M1AP: variants seen among roughly 807,000 people sequenced by gnomAD.
M1AP encodes the protein meiosis 1 arrest protein.
M1AP carries 39 observed loss-of-function variants against 51.2 expected under a neutral mutation model. The ratio of observed to expected loss-of-function variants is 0.76; its 90% confidence interval spans 0.59 to 1.00. M1AP has a LOEUF of 1.00. M1AP is among the 50% of genes least tolerant of loss of function. M1AP has a pLI of 0.00. For missense variants in M1AP, 545 were observed against 641.2 expected (o/e 0.85, Z 1.62); for synonymous variants, 251 against 249.2 (o/e 1.01, Z -0.07).
intron 2 of M1AP, among the ~76,000 whole-genome samples, chr2:74,621,639 A>T (rs1682046714): frequency 1.3e-5 from 2 of 151,262 alleles, no homozygotes; most frequent in East Asian, 2.0e-4. Context: ...ATAATAATAA[A>T]AAAATTAGCC....
intron 7 of M1AP, among the ~76,000 whole-genome samples, chr2:74,572,075 G>C (rs905208401): frequency 6.6e-6 from 1 of 152,066 alleles, no homozygotes; most frequent in Non-Finnish European, 1.5e-5. Flanking sequence ...TAATCTAGAT[G>C]AGGTGGACCA....
chr2:74,608,844 G>C (rs959521396), intron 3 of M1AP, among the ~76,000 whole-genome samples: 1 of 152,184 alleles, frequency 6.6e-6, no homozygotes, highest in African/African-American at 2.4e-5. Context: ...ATATGATGTG[G>C]AGCATCTTTT....
intron 2 of M1AP, among the ~76,000 whole-genome samples, chr2:74,638,585 G>C (rs1435642618): frequency 1.3e-5 from 2 of 152,006 alleles, no homozygotes; most frequent in Admixed American, 6.6e-5. Flanking sequence ...CTCTCTTTTG[G>C]ATCAGTCGTT....
In M1AP at chr2:74,559,697, C is replaced by A. The variant is rs1295799477; in HGVS notation, c.1434+1G>T. 1.8e-5 allele frequency: 13 copies of A among 718,508 alleles called. No individual in the cohort carries two copies. The highest frequency in any genetic ancestry group is 1.3e-4 in the East Asian group (5 of 37,284). 44.5% of individuals were successfully genotyped at this position (718,508 alleles called of 1,614,324 possible). A position where few individuals can be genotyped will look rare whatever the true frequency, so the allele number is the denominator to read the frequency against. On this transcript the variant is annotated splice_donor_variant, in intron 10 of 10. Transcript: ENST00000421985. LOFTEE classifies it high-confidence loss of function. The stretch of plus-strand genomic sequence containing the variant: ...TCATCTGTAAATGAGCAAACACTTA[C>A]CTTGCAGGGATGCTGTGAGGATTAA...
chr2:74,648,287 C>G lies in M1AP; in HGVS notation c.-75G>C. The G allele has an allele frequency of 1.0e-6, 1 of 985,454 alleles. No individual in the cohort carries two copies. Among genetic ancestry groups the G allele is most frequent in the Non-Finnish European group, 1.2e-6 (1 of 829,928 alleles). The allele number at this position is 985,454 out of a possible 1,614,324, so 61.0% of individuals were successfully genotyped here. A position where few individuals can be genotyped will look rare whatever the true frequency, so the allele number is the denominator to read the frequency against. ...TACCTGTCTTCGGAAGACGGAGGCC[C>G]CCTCACCTGGTCCTCCCGGCTCTCA... On this transcript the variant is annotated 5_prime_UTR_variant, in exon 1 of 11. Transcript: ENST00000421985.
rs114861063 is a variant in M1AP at position 74,647,415 on chromosome 2, G to T, written c.-53+850C>A. 755 of 985,152 alleles carry T rather than the reference G, an allele frequency of 7.7e-4. 11 individuals carry two copies. In the African/African-American group the frequency reaches 0.012, roughly 16 times the overall value. The allele number at this position is 985,152 out of a possible 1,614,324, so 61.0% of individuals were successfully genotyped here. A position where few individuals can be genotyped will look rare whatever the true frequency, so the allele number is the denominator to read the frequency against. On this transcript the variant is annotated intron_variant, in intron 1 of 10. Coordinates refer to ENST00000421985, the MANE Select transcript of M1AP (RefSeq NM_001321739.2). ...ATTCAATGGTTCTCCCTCTGGCAGGGCCCTATTAAAGATTTCGTGGGCCCT... is the reference window on the plus strand; with the variant it reads ...ATTCAATGGTTCTCCCTCTGGCAGGTCCCTATTAAAGATTTCGTGGGCCCT...
chr2:74,634,674 A>G (rs913614290), intron 2 of M1AP, among the ~76,000 whole-genome samples: 6 of 152,196 alleles, frequency 3.9e-5, no homozygotes, highest in Non-Finnish European at 8.8e-5. Flanking sequence ...ACCATTAAAT[A>G]TGGCATTAGC....
intron 4 of M1AP, among the ~76,000 whole-genome samples, chr2:74,599,103 C>T (rs183200903): frequency 6.6e-6 from 1 of 151,954 alleles, no homozygotes; most frequent in Non-Finnish European, 1.5e-5. Context: ...CATGGTGAAA[C>T]CCTGTCTCTA....
In M1AP at chr2:74,581,628, C is replaced by T. The variant is rs538472590; in HGVS notation, c.769+46G>A. 39 of 1,576,092 alleles carry T rather than the reference C, an allele frequency of 2.5e-5. No homozygotes were observed. The Admixed American group carries it at 3.1e-4, about 12-fold the overall frequency. ...CACCACCAATCTAGAGTCCTGATCC[C>T]AGATAAGAATAATCATAGCCTAAAT... On this transcript the variant is annotated intron_variant, in intron 5 of 10. Coordinates refer to ENST00000421985, the MANE Select transcript of M1AP (RefSeq NM_001321739.2).
chr2:74,615,271 A>C (rs887756324), intron 2 of M1AP, 122 bp from the exon 3 acceptor site: 1 of 822,182 alleles, frequency 1.2e-6, no homozygotes, highest in Non-Finnish European at 1.9e-6. Context: ...AATTTATTTG[A>C]CCAACATCTA....
intron 1 of M1AP, among the ~76,000 whole-genome samples, chr2:74,641,193 T>C (rs1220226645): frequency 6.6e-6 from 1 of 152,230 alleles, no homozygotes; most frequent in Non-Finnish European, 1.5e-5. Flanking sequence ...TCATTAGAAA[T>C]TGTTCTTCGC....
At chr2:74,636,330 T>G (rs923815938) in intron 2 of M1AP, among the ~76,000 whole-genome samples, 1 of 152,124 alleles carries the variant, frequency 6.6e-6, no homozygotes, top group Non-Finnish European at 1.5e-5. Flanking sequence ...TTCTTTTACT[T>G]TCAGCCTACA....
chr2:74,627,284 A>G (rs1187660949), intron 2 of M1AP, among the ~76,000 whole-genome samples: 1 of 151,934 alleles, frequency 6.6e-6, no homozygotes, highest in Non-Finnish European at 1.5e-5. Flanking sequence ...GTGATGAAAA[A>G]TTTTCTTCCA....
intron 2 of M1AP, among the ~76,000 whole-genome samples, chr2:74,623,988 T>TA (rs1232157009): frequency 6.6e-6 from 1 of 152,122 alleles, no homozygotes; most frequent in Non-Finnish European, 1.5e-5. Flanking sequence ...TACTGTTAAT[T>TA]AAAAAAAATT....
chr2:74,562,073 C>G, intron 8 of M1AP, 144 bp downstream of exon 8: 1 of 1,416,680 alleles, frequency 7.1e-7, no homozygotes, highest in African/African-American at 1.4e-5. Context: ...GCATAATTGC[C>G]TATCCTTGCT....
chr2:74,558,955 C>T, intron 10 of M1AP, 81 bp from the exon 11 acceptor site: 1 of 1,347,144 alleles, frequency 7.4e-7, no homozygotes, highest in Non-Finnish European at 9.9e-7. Flanking sequence ...GCTTCCTGTC[C>T]TAACTCTTTC....
chr2:74,601,104 C>T (rs930894578), intron 4 of M1AP, among the ~76,000 whole-genome samples: 4 of 151,916 alleles, frequency 2.6e-5, no homozygotes, highest in Non-Finnish European at 5.9e-5. Context: ...ATAAAACAAG[C>T]TATTTTATAA....
intron 7 of M1AP, among the ~76,000 whole-genome samples, chr2:74,562,793 G>A (rs1270185568): frequency 6.6e-6 from 1 of 152,116 alleles, no homozygotes; most frequent in African/African-American, 2.4e-5. Context: ...GTGCGTGACT[G>A]TACCCGTAGC....
intron 7 of M1AP, among the ~76,000 whole-genome samples, chr2:74,575,029 G>A (rs1040093263): frequency 6.6e-6 from 1 of 152,144 alleles, no homozygotes; most frequent in Non-Finnish European, 1.5e-5. Flanking sequence ...CATAGGTAAT[G>A]TCTTTTAGGT....
Sources: allele counts gnomAD v4.1 joint callset (sites outside exome capture counted in the v4.1 genomes callset), GRCh38; gene constraint gnomAD v4.1.1; transcripts MANE v1.5; gene names NCBI Gene and HGNC (gene_info 2026-07-23, HGNC 2026-07-21).